Variants in DNAL1 observed in about 807,000 individuals in gnomAD.
DNAL1 encodes the protein chromosome 14 open reading frame 168.
A neutral mutation model predicts 29.4 loss-of-function variants in DNAL1; 17 were observed. That is an observed-to-expected ratio of 0.58 (90% CI 0.40 to 0.87). The LOEUF is 0.87. Among genes scored for constraint, DNAL1 ranks in the 40% least tolerant of loss-of-function variants. The pLI, the probability that DNAL1 is intolerant of heterozygous loss-of-function variation, is 0.00. For missense variants in DNAL1, 188 were observed against 214.1 expected, an observed-to-expected ratio of 0.88 and a Z score of 0.76; for synonymous variants, 78 against 76.3, an observed-to-expected ratio of 1.02 and a Z score of -0.12.
intron 7 of DNAL1, among the ~76,000 whole-genome samples, chr14:73,692,897 C>T (rs148322520): frequency 1.3e-5 from 2 of 150,770 alleles, no homozygotes; most frequent in East Asian, 2.0e-4. Context: ...AGTGCAGTGG[C>T]GCGATCTCAG....
rs1892476321 is a variant in DNAL1 at position 73,703,115 on chromosome 14, G to A, written c.*7173G>A. On this transcript the variant is annotated 3_prime_UTR_variant, in exon 8 of 8. Coordinates refer to ENST00000553645, the MANE Select transcript of DNAL1 (RefSeq NM_031427.4). ...TCCCTAAAAAAAGGAAAAACAAATA[G>A]AAGACAAATTTCAATTTCTGAGTTT... is the stretch of plus-strand genomic sequence containing the variant. 1 of 152,000 alleles carries A rather than the reference G, an allele frequency of 6.6e-6. No homozygotes were observed. Among genetic ancestry groups the A allele is most frequent in the South Asian group, 2.1e-4 (1 of 4,824 alleles). The allele number at this position is 152,000 out of a possible 1,614,324, so 9.4% of individuals were successfully genotyped here.
intron 7 of DNAL1, among the ~76,000 whole-genome samples, chr14:73,691,348 G>T (rs150952550): frequency 6.6e-6 from 1 of 151,916 alleles, no homozygotes; most frequent in Non-Finnish European, 1.5e-5. Context: ...TCAGGAGTTC[G>T]AGACCAGCCT....
chr14:73,689,582 C>A, intron 7 of DNAL1, 67 bp downstream of exon 7: 1 of 1,552,820 alleles, frequency 6.4e-7, no homozygotes, highest in Non-Finnish European at 8.7e-7. Flanking sequence ...GGCATGGAAT[C>A]ATGAAGAGGA....
chr14:73,647,546 G>A (rs1595197234), intron 1 of DNAL1, among the ~76,000 whole-genome samples: 1 of 152,018 alleles, frequency 6.6e-6, no homozygotes, highest in African/African-American at 2.4e-5. Flanking sequence ...AAGAAGTATG[G>A]TGTATTAGGG....
intron 7 of DNAL1, among the ~76,000 whole-genome samples, chr14:73,695,552 G>C (rs1264586478): frequency 6.6e-6 from 1 of 151,470 alleles, no homozygotes; most frequent in African/African-American, 2.4e-5. Context: ...TTTCTGAGAT[G>C]GAGTTTTGCT....
At chr14:73,659,842 A>G (rs1183643455) in intron 3 of DNAL1, among the ~76,000 whole-genome samples, 1 of 152,246 alleles carries the variant, frequency 6.6e-6, no homozygotes, top group East Asian at 1.9e-4. Context: ...AGGAATTAAC[A>G]TCAACCAAAA....
rs1481011950 is a variant in DNAL1, at chr14:73,695,953, T to C, written c.*11T>C. On this transcript the variant is annotated 3_prime_UTR_variant, in exon 8 of 8. Transcript: ENST00000553645. The stretch of plus-strand genomic sequence containing the variant: ...GAAGAAGACAACTAATGCCACGCTT[T>C]CCACTGTGTGTTAACTTATTTAAAT... 4 of 1,584,792 alleles carry C rather than the reference T, an allele frequency of 2.5e-6. No homozygotes were observed. The South Asian group carries it at 4.6e-5, about 18-fold the overall frequency.
At chr14:73,653,753 ACTTTT>A (rs1435074478) in intron 1 of DNAL1, among the ~76,000 whole-genome samples, 1 of 152,020 alleles carries the variant, frequency 6.6e-6, no homozygotes, top group African/African-American at 2.4e-5. Context: ...TAGTTTAAAA[ACTTTT>A]CTTTTGTTAT....
At chr14:73,691,846 A>ACCG (rs1892179031) in intron 7 of DNAL1, among the ~76,000 whole-genome samples, 1 of 102,924 alleles carries the variant, frequency 9.7e-6, no homozygotes, top group African/African-American at 4.2e-5. Flanking sequence ...GGCGTGCGCC[A>ACCG]CCCCCCCCCC....
chr14:73,655,596 C>G (rs1271993954), intron 2 of DNAL1, among the ~76,000 whole-genome samples: 3 of 151,990 alleles, frequency 2.0e-5, no homozygotes, highest in Non-Finnish European at 4.4e-5. Flanking sequence ...ATCTGCCTGC[C>G]TCAGCCTCCC....
chr14:73,674,525 T>C (rs1283926547), intron 5 of DNAL1, among the ~76,000 whole-genome samples: 4 of 152,128 alleles, frequency 2.6e-5, no homozygotes, highest in Admixed American at 6.6e-5. Flanking sequence ...ACCGTATATC[T>C]AAAGCAGCTC....
At chr14:73,647,364 C>CAAAAAA (rs199974495) in intron 1 of DNAL1, among the ~76,000 whole-genome samples, 4 of 92,668 alleles carry the variant, frequency 4.3e-5, no homozygotes, top group African/African-American at 4.8e-5. Flanking sequence ...GACTCTGTCT[C>CAAAAAA]AAAAAAAAAA....
intron 5 of DNAL1, among the ~76,000 whole-genome samples, chr14:73,672,594 C>T (rs764333550): frequency 2.0e-3 from 212 of 104,188 alleles, no homozygotes; most frequent in Non-Finnish European, 2.8e-3. Flanking sequence ...GGTGACAGAG[C>T]GAGACTCTGT....
rs886050685 is a variant in DNAL1, at chr14:73,671,576, C to T, written c.243C>T (p.Asn81=). 7.7e-5 allele frequency: 114 copies of T among 1,489,122 alleles called. No homozygotes were observed. Among genetic ancestry groups the T allele is most frequent in the Non-Finnish European group, 9.7e-5 (108 of 1,113,478 alleles). 92.2% of individuals were successfully genotyped at this position (1,489,122 alleles called of 1,614,324 possible). The part of the protein sequence containing the change: ...NLRILSLGRN[N]IKNLNGLEAV... ...GGATATTATCTTTAGGAAGAAACAA[C>T]ATAAAGAACTTAAATGGACTGGTAG... is the stretch of plus-strand genomic sequence containing the variant. Residue 81 remains asparagine (N), a synonymous_variant, in exon 5 of 8, where the codon AAC becomes AAT. Transcript: ENST00000553645.
intron 2 of DNAL1, among the ~76,000 whole-genome samples, chr14:73,657,768 T>A (rs192594702): frequency 8.5e-5 from 13 of 152,312 alleles, no homozygotes; most frequent in Non-Finnish European, 1.5e-5. Context: ...TACTTTTTTG[T>A]ATTTTTAGTA....
intron 1 of DNAL1, among the ~76,000 whole-genome samples, chr14:73,648,403 C>CATAT (rs149075024): frequency 5.8e-5 from 5 of 86,768 alleles, no homozygotes; most frequent in South Asian, 3.8e-4. Context: ...CACCTCATTT[C>CATAT]ATATATATAT....
chr14:73,681,633 AAT>A (rs71112793), intron 5 of DNAL1, among the ~76,000 whole-genome samples: 227 of 35,416 alleles, frequency 6.4e-3, no homozygotes, highest in Non-Finnish European at 8.1e-3. Flanking sequence ...AAAAAAAAAA[AAT>A]ATATATATAT....
intron 5 of DNAL1, among the ~76,000 whole-genome samples, chr14:73,674,082 T>C (rs1891674342): frequency 6.6e-6 from 1 of 152,064 alleles, no homozygotes; most frequent in African/African-American, 2.4e-5. Flanking sequence ...AGGGGTTGAT[T>C]TATAACTATT....
intron 4 of DNAL1, among the ~76,000 whole-genome samples, chr14:73,665,971 C>T (rs190281611): frequency 6.6e-6 from 1 of 152,248 alleles, no homozygotes; most frequent in East Asian, 1.9e-4. Context: ...TTCATGTCTG[C>T]TGTAGACACA....
Sources: allele counts gnomAD v4.1 joint callset (sites outside exome capture counted in the v4.1 genomes callset), GRCh38; gene constraint gnomAD v4.1.1; transcripts MANE v1.5; gene names NCBI Gene and HGNC (gene_info 2026-07-23, HGNC 2026-07-21).